The following UBE2E2 variants were observed in gnomAD, a reference collection of about 807,000 sequenced individuals.
UBE2E2 encodes ubiquitin conjugating enzyme E2 E2, also known as ubiquitin-conjugating enzyme E2 E2.
Under a neutral mutation model 24.7 loss-of-function variants are expected in UBE2E2, and 6 were observed. The ratio of observed to expected loss-of-function variants is 0.24; its 90% confidence interval spans 0.13 to 0.48. UBE2E2 has a LOEUF of 0.48. UBE2E2 is among the 20% of genes least tolerant of loss of function. UBE2E2 has a pLI of 0.99. For synonymous variants in UBE2E2, 104 were observed against 83.6 expected, an observed-to-expected ratio of 1.24 and a Z score of -1.33; for missense variants, 169 against 245.0, an observed-to-expected ratio of 0.69 and a Z score of 2.07.
chr3:23,376,881 G>A (rs1482733550), intron 3 of UBE2E2, among the ~76,000 whole-genome samples: 3 of 152,192 alleles, frequency 2.0e-5, no homozygotes, highest in African/African-American at 7.2e-5. Flanking sequence ...AAGGTGTGAT[G>A]TGACATTCGC....
In UBE2E2 at chr3:23,518,944, C is replaced by G. The variant is rs148454008; in HGVS notation, c.361-13610C>G. ...TGTCATCTACCACAAAGCATTTGTT[C>G]CACAAAAGGCTAATTTGAGAACGAA... is the stretch of plus-strand genomic sequence containing the variant. On this transcript the variant is annotated intron_variant, in intron 4 of 5. Transcript: ENST00000396703. Among the ~76,000 whole-genome samples, 641 of 152,274 alleles carry G rather than the reference C, an allele frequency of 4.2e-3. 5 individuals carry two copies. Among genetic ancestry groups the G allele is most frequent in the African/African-American group, 0.015 (611 of 41,554 alleles).
At chr3:23,378,078 C>T (rs988992911) in intron 3 of UBE2E2, among the ~76,000 whole-genome samples, 6 of 151,750 alleles carry the variant, frequency 4.0e-5, no homozygotes, top group African/African-American at 1.5e-4. Flanking sequence ...AGATATATGA[C>T]TACAGCTGAG....
intron 3 of UBE2E2, among the ~76,000 whole-genome samples, chr3:23,401,676 A>G (rs1305008840): frequency 6.6e-6 from 1 of 151,932 alleles, no homozygotes; most frequent in Non-Finnish European, 1.5e-5. Context: ...CATTATATAT[A>G]CATATGTATA....
chr3:23,374,899 A>G (rs7637485), intron 3 of UBE2E2, among the ~76,000 whole-genome samples: 127,565 of 152,172 alleles, frequency 0.84, 53,511 homozygotes, highest in African/African-American at 0.89. Flanking sequence ...CTCCCAAGTA[A>G]CTGGGATTAC....
chr3:23,564,641 A>G (rs951628497), intron 5 of UBE2E2, among the ~76,000 whole-genome samples: 1 of 152,138 alleles, frequency 6.6e-6, no homozygotes, highest in Non-Finnish European at 1.5e-5. Context: ...ACCAGTCTTA[A>G]GTAAATATGA....
chr3:23,203,466 T>TATTC lies in UBE2E2; in HGVS notation c.-9+3_-9+6dup. 3 of 941,338 alleles carry TATTC rather than the reference T, an allele frequency of 3.2e-6. No individual in the cohort carries two copies. The highest frequency in any genetic ancestry group is 3.7e-6 in the Non-Finnish European group (3 of 815,528). 58.3% of individuals were successfully genotyped at this position (941,338 alleles called of 1,614,324 possible). The stretch of plus-strand genomic sequence containing the variant: ...CCTGCACGGACACCCCCCCCTCAGG[T>TATTC]ATTCGCTCGGGCCGCGCCGGTGCCT... On this transcript the variant is annotated splice_region_variant and intron_variant, in intron 1 of 5. Coordinates refer to ENST00000396703, the MANE Select transcript of UBE2E2 (RefSeq NM_152653.4).
intron 3 of UBE2E2, among the ~76,000 whole-genome samples, chr3:23,487,769 C>T (rs778515): frequency 0.28 from 42,168 of 151,984 alleles, 6,131 homozygotes; most frequent in African/African-American, 0.37. Context: ...TCTTTACCAC[C>T]ATGTTACGGT....
At chr3:23,528,657 T>C (rs1332149096) in intron 4 of UBE2E2, among the ~76,000 whole-genome samples, 1 of 152,198 alleles carries the variant, frequency 6.6e-6, no homozygotes, top group African/African-American at 2.4e-5. Flanking sequence ...GTGAACCCGA[T>C]GTTGGACACA....
At chr3:23,362,643 G>C (rs1210850724) in intron 3 of UBE2E2, among the ~76,000 whole-genome samples, 2 of 152,238 alleles carry the variant, frequency 1.3e-5, no homozygotes, top group African/African-American at 4.8e-5. Context: ...CCTGCCACAG[G>C]TAGCCAGGCA....
intron 5 of UBE2E2, among the ~76,000 whole-genome samples, chr3:23,572,818 C>T (rs763490651): frequency 2.6e-5 from 4 of 152,186 alleles, no homozygotes; most frequent in Non-Finnish European, 4.4e-5. Flanking sequence ...CATCCCTCTG[C>T]TTTTGTGAAT....
At chr3:23,241,288 T>C (rs1023469435) in intron 3 of UBE2E2, among the ~76,000 whole-genome samples, 1 of 152,240 alleles carries the variant, frequency 6.6e-6, no homozygotes, top group South Asian at 2.1e-4. Context: ...CGTCTTCATA[T>C]CTTGCTTGAG....
At chr3:23,292,981 G>C (rs1698807315) in intron 3 of UBE2E2, among the ~76,000 whole-genome samples, 1 of 152,218 alleles carries the variant, frequency 6.6e-6, no homozygotes, top group Non-Finnish European at 1.5e-5. Flanking sequence ...GCTGAGGCAG[G>C]AGAATCGCTT....
intron 3 of UBE2E2, among the ~76,000 whole-genome samples, chr3:23,418,739 A>G (rs1697715632): frequency 6.6e-6 from 1 of 152,160 alleles, no homozygotes; most frequent in South Asian, 2.1e-4. Flanking sequence ...TAATATTTAG[A>G]CGCTGTGACT....
At chr3:23,437,358 A>G (rs1698206881) in intron 3 of UBE2E2, among the ~76,000 whole-genome samples, 2 of 152,154 alleles carry the variant, frequency 1.3e-5, no homozygotes, top group Non-Finnish European at 2.9e-5. Flanking sequence ...CACCCACTTA[A>G]TACCTGTGTA....
chr3:23,385,573 T>A (rs187383308), intron 3 of UBE2E2, among the ~76,000 whole-genome samples: 3 of 152,354 alleles, frequency 2.0e-5, no homozygotes, highest in Admixed American at 1.3e-4. Flanking sequence ...ATCTCACAGC[T>A]GATGCTGATG....
At chr3:23,529,813 A>G (rs1376908784) in intron 4 of UBE2E2, among the ~76,000 whole-genome samples, 1 of 152,152 alleles carries the variant, frequency 6.6e-6, no homozygotes. Flanking sequence ...AACTTAGGCT[A>G]GTGTCTTTAT....
At chr3:23,392,453 G>A (rs888228555) in intron 3 of UBE2E2, among the ~76,000 whole-genome samples, 2 of 151,974 alleles carry the variant, frequency 1.3e-5, no homozygotes, top group African/African-American at 2.4e-5. Flanking sequence ...GCTTAGCCTT[G>A]GGTGAACTGT....
chr3:23,344,283 G>C (rs1246217931), intron 3 of UBE2E2, among the ~76,000 whole-genome samples: 2 of 152,052 alleles, frequency 1.3e-5, no homozygotes, highest in Non-Finnish European at 2.9e-5. Context: ...GAGACAGCCA[G>C]TTTACTCCCC....
intron 3 of UBE2E2, among the ~76,000 whole-genome samples, chr3:23,394,761 GC>G (rs1238785203): frequency 6.6e-6 from 1 of 152,184 alleles, no homozygotes; most frequent in East Asian, 1.9e-4. Context: ...CAGGTAAACA[GC>G]CAGGTTTTCA....
Sources: allele counts gnomAD v4.1 joint callset (sites outside exome capture counted in the v4.1 genomes callset), GRCh38; gene constraint gnomAD v4.1.1; transcripts MANE v1.5; gene names NCBI Gene and HGNC (gene_info 2026-07-23, HGNC 2026-07-21).